NDEL1: variants seen among roughly 807,000 people sequenced by gnomAD.
The protein encoded by NDEL1 is nudE neurodevelopment protein 1 like 1.
In NDEL1, 9 loss-of-function variants were observed where a neutral mutation model predicts 45.7. The ratio of observed to expected loss-of-function variants is 0.20; its 90% CI spans 0.12 to 0.34. The LOEUF is 0.34. Among genes scored for constraint, NDEL1 ranks in the 10% least tolerant of loss-of-function variants. The pLI is 1.00. For missense variants in NDEL1, 306 were observed against 406.2 expected (o/e 0.75, Z 2.12); for synonymous variants, 133 against 158.6 (o/e 0.84, Z 1.21).
chr17:8,469,439 C>T (rs1007479656), downstream of NDEL1, among the ~76,000 whole-genome samples: 6 of 152,314 alleles, frequency 3.9e-5, no homozygotes, highest in African/African-American at 1.4e-4. Context: ...CTGGGCTCCT[C>T]TTATCCAGAC....
chr17:8,456,492 CTTTTT>C (rs57327945), intron 7 of NDEL1, among the ~76,000 whole-genome samples: 5 of 82,808 alleles, frequency 6.0e-5, no homozygotes, highest in Non-Finnish European at 1.2e-4. Context: ...TAGGTTATAT[CTTTTT>C]TTTTTTTTTT....
At chr17:8,474,246 T>C (rs534277744) in intron 3 of NDEL1, 3 of 152,796 alleles carry the variant, frequency 2.0e-5, no homozygotes, top group African/African-American at 7.2e-5. Flanking sequence ...GAGGTCTCTT[T>C]ATTCTCCACG....
chr17:8,416,919 AT>A (rs1475298713), intron 1 of NDEL1, among the ~76,000 whole-genome samples: 8 of 152,078 alleles, frequency 5.3e-5, no homozygotes, highest in Admixed American at 5.2e-4. Flanking sequence ...TCAAATGAAT[AT>A]TTTAATTTCA....
chr17:8,442,399 T>G (rs918582835), intron 1 of NDEL1, among the ~76,000 whole-genome samples: 2 of 149,330 alleles, frequency 1.3e-5, no homozygotes, highest in Admixed American at 6.7e-5. Flanking sequence ...GAAAGGATGA[T>G]TATAAATCAG....
At position 8,414,528 on chromosome 17, in the gene NDEL1, G is replaced by A. The variant is rs186763403; in HGVS notation, c.-13+1259G>A. On this transcript the variant is annotated intron_variant, in intron 1 of 4. Coordinates refer to the NDEL1 transcript ENST00000582812. ...TAAAAATACAAAAAATTAGCCGGGC[G>A]TGGTGTTGGGCACCTGTAGTCCCAG... Among the ~76,000 whole-genome samples the A allele has an allele frequency of 1.2e-3, 187 of 152,238 alleles. 1 individual carries two copies. Among genetic ancestry groups the A allele is most frequent in the African/African-American group, 4.0e-3 (167 of 41,546 alleles).
chr17:8,460,311 TTGTTG>T, intron 8 of NDEL1, 151 bp downstream of exon 8: 1 of 819,376 alleles, frequency 1.2e-6, no homozygotes, highest in Middle Eastern at 2.9e-4. Flanking sequence ...ATGACGTCTG[TTGTTG>T]TCCTCTAGTC....
chr17:8,465,455 G>A lies in NDEL1; in HGVS notation c.945-1475G>A, dbSNP rs925014771. 6.6e-6 allele frequency: 1 copy of A among 152,212 alleles called. No homozygotes were observed. Among genetic ancestry groups the A allele is most frequent in the Non-Finnish European group, 1.5e-5 (1 of 68,032 alleles). The allele number at this position is 152,212 out of a possible 1,614,324, so 9.4% of individuals were successfully genotyped here. A position where few individuals can be genotyped will look rare whatever the true frequency, so the allele number is the denominator to read the frequency against. ...CTCCTGGGGCTCTTGGTCTCTGTAT[G>A]CGTGGTTGGAATTTAAACTCCACAT... On this transcript the variant is annotated intron_variant, in intron 8 of 8. Coordinates refer to ENST00000334527, the MANE Select transcript of NDEL1 (RefSeq NM_030808.5). The surrounding 1 kb of genome is among the most constrained non-coding windows in gnomAD (Gnocchi z 4.9).
At chr17:8,445,941 A>C in intron 3 of NDEL1, 77 bp downstream of exon 3, 1 of 1,295,942 alleles carries the variant, frequency 7.7e-7, no homozygotes, top group Non-Finnish European at 1.0e-6. Context: ...CAGGTGCTTA[A>C]GAGCAGCTGG....
chr17:8,441,593 T>C (rs1026447275), intron 1 of NDEL1, among the ~76,000 whole-genome samples: 4 of 152,246 alleles, frequency 2.6e-5, no homozygotes, highest in Non-Finnish European at 5.9e-5. Context: ...GCTTTTTTTA[T>C]TTTCCTGAGC....
rs1014474928 is a variant in NDEL1 at position 8,436,036 on chromosome 17, C to T, written c.-22C>T. ...AGCGGCGGCGAACATGCGCTTTTGACACATTGGAGGTGAGCCTGCAGCGCG... is the reference window on the plus strand; with the variant it reads ...AGCGGCGGCGAACATGCGCTTTTGATACATTGGAGGTGAGCCTGCAGCGCG... On this transcript the variant is annotated 5_prime_UTR_variant, in exon 1 of 9. Transcript: ENST00000334527. The T allele has an allele frequency of 2.7e-5, 12 of 445,690 alleles. No homozygotes were observed. The highest frequency in any genetic ancestry group is 4.0e-5 in the Non-Finnish European group (9 of 223,020). The allele number at this position is 445,690 out of a possible 1,614,324, so 27.6% of individuals were successfully genotyped here.
chr17:8,463,237 A>T, intron 8 of NDEL1: 1 of 1,058,396 alleles, frequency 9.4e-7, no homozygotes, highest in Admixed American at 1.8e-5. Flanking sequence ...GGCTGTGTGT[A>T]GGTGGGCATG....
intron 6 of NDEL1, among the ~76,000 whole-genome samples, chr17:8,452,731 T>A (rs1448762093): frequency 3.9e-5 from 4 of 103,328 alleles, no homozygotes; most frequent in Non-Finnish European, 7.6e-5. Flanking sequence ...TTTCTTTTCT[T>A]TTTCTTCTCT....
chr17:8,441,556 A>G (rs1909734741), intron 1 of NDEL1, among the ~76,000 whole-genome samples: 1 of 152,220 alleles, frequency 6.6e-6, no homozygotes, highest in African/African-American at 2.4e-5. Flanking sequence ...AAAATGCTTT[A>G]TATAAGGATC....
chr17:8,458,170 G>GTT (rs1056220651), intron 7 of NDEL1, among the ~76,000 whole-genome samples: 5 of 143,440 alleles, frequency 3.5e-5, no homozygotes, highest in Non-Finnish European at 6.1e-5. Context: ...AACACTGACC[G>GTT]TTTTTTTTTT....
At chr17:8,456,784 C>T (rs895286887) in intron 7 of NDEL1, among the ~76,000 whole-genome samples, 32 of 152,198 alleles carry the variant, frequency 2.1e-4, no homozygotes, top group African/African-American at 7.2e-4. Context: ...CAGGCATGAG[C>T]CACCATGTCT....
chr17:8,433,896 A>G (rs1050808586), upstream of NDEL1, among the ~76,000 whole-genome samples: 1 of 152,194 alleles, frequency 6.6e-6, no homozygotes, highest in African/African-American at 2.4e-5. Context: ...CATAATAGGC[A>G]TATGTAATAT....
At chr17:8,442,777 C>CTTTTTTTTTTTT (rs34963430) in intron 1 of NDEL1, among the ~76,000 whole-genome samples, 1 of 84,150 alleles carries the variant, frequency 1.2e-5, no homozygotes, top group Non-Finnish European at 2.1e-5. Context: ...TATTTATTTA[C>CTTTTTTTTTTTT]TTTTTTTTTT....
At chr17:8,442,658 G>C (rs1909812672) in intron 1 of NDEL1, among the ~76,000 whole-genome samples, 1 of 150,726 alleles carries the variant, frequency 6.6e-6, no homozygotes, top group Admixed American at 6.6e-5. Context: ...TGATGATGTG[G>C]AGAGATTTAA....
At chr17:8,414,787 T>G (rs950414342) in intron 1 of NDEL1, among the ~76,000 whole-genome samples, 4 of 152,272 alleles carry the variant, frequency 2.6e-5, no homozygotes, top group Admixed American at 6.5e-5. Flanking sequence ...CCTGAGTAGC[T>G]GGGATTACAG....
Sources: allele counts gnomAD v4.1 joint callset (sites outside exome capture counted in the v4.1 genomes callset), GRCh38; gene constraint gnomAD v4.1.1; non-coding constraint Gnocchi (gnomAD v3.1); transcripts MANE v1.5; gene names NCBI Gene and HGNC (gene_info 2026-07-23, HGNC 2026-07-21).